Variants in CCDC183 observed in about 807,000 individuals in gnomAD.
The protein encoded by CCDC183 is coiled-coil domain-containing protein 183.
Under a neutral mutation model 65.2 loss-of-function variants are expected in CCDC183, and 63 were observed. The observed-to-expected ratio is 0.97, with a 90% CI of 0.79 to 1.19. The LOEUF is 1.19. Ranked by LOEUF, CCDC183 falls within the 50% of genes most tolerant of loss-of-function variation. The pLI is 0.00. For synonymous variants in CCDC183, 323 were observed against 276.5 expected (o/e 1.17, Z -1.67); for missense variants, 769 against 689.3 (o/e 1.12, Z -1.30).
chr9:136,800,325 A>G (rs1847719278), intron 4 of CCDC183, 64 bp from the exon 5 acceptor site: 6 of 1,507,322 alleles, frequency 4.0e-6, no homozygotes, highest in South Asian at 2.4e-5. Context: ...GAGAAAACCC[A>G]GCCCCGACAC....
rs1478424807 is a variant in CCDC183, at chr9:136,804,698, A to C, written c.793-64A>C. 3 of 1,612,796 alleles carry C rather than the reference A, an allele frequency of 1.9e-6. No individual in the cohort carries two copies. The highest frequency in any genetic ancestry group is 3.3e-5 in the Admixed American group (2 of 59,954). ...GCTGGGTGGACACAGGCTCAGGGCC[A>C]CCACTCAGGGCCCACTCCCTGCCAA... On this transcript the variant is annotated intron_variant, in intron 7 of 13. Transcript: ENST00000338005. This position sits in a 1 kb window ranked among gnomAD's most constrained non-coding sequence, Gnocchi z 4.1.
rs200445045 is a variant in CCDC183 at position 136,804,542 on chromosome 9, G to C, written c.707G>C (p.Arg236Pro). ...AGGGAGGCGTCCTTCATCGAGGAGC[G>C]CCGGGCAAGGGAGAACCGGCTCAAC... ...RQREASFIEE[R>P]RARENRLNQQ... Residue 236 changes from arginine to proline, a missense_variant, in exon 7 of 14, where the codon CGC (arginine) becomes CCC (proline). Physicochemically the swap from Arg to Pro is moderately radical, Grantham distance 103. Coordinates refer to ENST00000338005, the MANE Select transcript of CCDC183 (RefSeq NM_001039374.5). The surrounding 1 kb of genome is among the most constrained non-coding windows in gnomAD (Gnocchi z 4.1). The C allele has an allele frequency of 1.2e-6, 2 of 1,613,448 alleles. No individual in the cohort carries two copies. Among genetic ancestry groups the C allele is most frequent in the South Asian group, 2.2e-5 (2 of 91,082 alleles).
At chr9:136,805,103 C>T (rs1847818616) in intron 8 of CCDC183, 3 of 593,272 alleles carry the variant, frequency 5.1e-6, no homozygotes, top group East Asian at 2.8e-5. Context: ...TGAGAAGCAC[C>T]ACCGGGCCCA....
At chr9:136,797,877 G>A (rs1305911143) in intron 1 of CCDC183, among the ~76,000 whole-genome samples, 1 of 152,120 alleles carries the variant, frequency 6.6e-6, no homozygotes, top group Non-Finnish European at 1.5e-5. Flanking sequence ...CTCGAGTGCA[G>A]TGGCATGATC....
At chr9:136,801,778 A>G (rs566080103) in intron 5 of CCDC183, among the ~76,000 whole-genome samples, 71 of 152,006 alleles carry the variant, frequency 4.7e-4, no homozygotes, top group Non-Finnish European at 1.0e-3. Context: ...CTACACTTCT[A>G]GTTTTGTTTT....
Position 136,804,797 on chromosome 9 carries a change from G to C in CCDC183, c.828G>C (p.Met276Ile), listed in dbSNP as rs1847813514. The C allele has an allele frequency of 6.2e-7, 1 of 1,613,616 alleles. No individual in the cohort carries two copies. The highest frequency in any genetic ancestry group is 1.1e-5 in the South Asian group (1 of 91,084). ...ACTTGGACTTCCCCTCGAACCTGAT[G>C]AGCACGGAGACCCTGAAATGTAAGC... ...QMDLDFPSNL[M>I]STETLKLRRK... The change falls in exon 8 of 14, where the codon ATG becomes ATC. Residue 276 changes from methionine to isoleucine, a missense_variant. Transcript: ENST00000338005. The surrounding 1 kb of genome is among the most constrained non-coding windows in gnomAD (Gnocchi z 4.1).
At chr9:136,798,060 C>A (rs1588329219) in intron 1 of CCDC183, among the ~76,000 whole-genome samples, 4 of 152,318 alleles carry the variant, frequency 2.6e-5, no homozygotes, top group Admixed American at 2.6e-4. Context: ...GGCTGGAGTG[C>A]AATGGTGCAA....
Position 136,804,064 on chromosome 9 carries a change from T to A in CCDC183, c.667-438T>A, listed in dbSNP as rs1847798555. The A allele has an allele frequency of 1.6e-5, 3 of 188,300 alleles. No homozygotes were observed. The Admixed American group carries it at 1.6e-4, about 10-fold the overall frequency. The allele number at this position is 188,300 out of a possible 1,614,324, so 11.7% of individuals were successfully genotyped here. ...AGAACTCCTCAAGAGGCAACCCCAC[T>A]AAGCGCTGGCAACGAGAGTGGCGAG... On this transcript the variant is annotated intron_variant, in intron 6 of 13. Transcript: ENST00000338005. The surrounding 1 kb of genome is among the most constrained non-coding windows in gnomAD (Gnocchi z 4.1).
At chr9:136,803,318 G>A (rs998487946) in intron 6 of CCDC183, among the ~76,000 whole-genome samples, 2 of 152,060 alleles carry the variant, frequency 1.3e-5, no homozygotes, top group African/African-American at 2.4e-5. Flanking sequence ...GTGTCTTCTG[G>A]CCAGGGTCTC....
intron 9 of CCDC183, 191 bp downstream of exon 9, chr9:136,805,648 T>C: frequency 1.7e-6 from 1 of 588,264 alleles, no homozygotes; most frequent in Non-Finnish European, 3.0e-6. Context: ...CTTAATCCCA[T>C]CTGTGTATCT....
chr9:136,806,245 C>G lies in CCDC183; in HGVS notation c.1109+7C>G. ...AGAAGCCTAGCTCCATCAGGTGCCC[C>G]GGGCTTCCGGGGCTGCGGGCCACCC... is the stretch of plus-strand genomic sequence containing the variant. On this transcript the variant is annotated splice_region_variant and intron_variant, in intron 10 of 13. Coordinates refer to ENST00000338005, the MANE Select transcript of CCDC183 (RefSeq NM_001039374.5). 1 of 1,586,080 alleles carries G rather than the reference C, an allele frequency of 6.3e-7. No individual in the cohort carries two copies. Among genetic ancestry groups the G allele is most frequent in the Non-Finnish European group, 8.6e-7 (1 of 1,166,136 alleles).
At position 136,804,518 on chromosome 9, in the gene CCDC183, G is replaced by GGGA; in HGVS notation, c.686_688dup (p.Glu229dup). ...TGTCCCCAGAGGAACATGAGGCAAA[G>GGGA]GGAGGCGTCCTTCATCGAGGAGCGC... On this transcript the variant is annotated inframe_insertion, in exon 7 of 14. Transcript: ENST00000338005. The surrounding 1 kb of genome is among the most constrained non-coding windows in gnomAD (Gnocchi z 4.1). The GGGA allele has an allele frequency of 6.2e-7, 1 of 1,613,028 alleles. No homozygotes were observed. The highest frequency in any genetic ancestry group is 1.1e-5 in the South Asian group (1 of 91,054).
At chr9:136,806,054 T>C in intron 9 of CCDC183, 24 bp from the exon 10 acceptor site, 1 of 1,543,784 alleles carries the variant, frequency 6.5e-7, no homozygotes, top group South Asian at 1.2e-5. Context: ...CCACACCTGC[T>C]TCTCTCTCCC....
Position 136,804,596 on chromosome 9 carries a change from A to G in CCDC183, c.761A>G (p.His254Arg). ...NQQKKLIDKI[H>R]TKETSEKYRR... ...CAGAAGAAGCTGATCGACAAGATCCACACGAAGGAGACCAGCGAGAAGTAC... is the reference window on the plus strand; with the variant it reads ...CAGAAGAAGCTGATCGACAAGATCCGCACGAAGGAGACCAGCGAGAAGTAC... Residue 254 changes from histidine (H) to arginine (R), a missense_variant, in exon 7 of 14, where the codon CAC becomes CGC. Coordinates refer to ENST00000338005, the MANE Select transcript of CCDC183 (RefSeq NM_001039374.5). This position sits in a 1 kb window ranked among gnomAD's most constrained non-coding sequence, Gnocchi z 4.1. 1 of 1,613,728 alleles carries G rather than the reference A, an allele frequency of 6.2e-7. No individual in the cohort carries two copies. Among genetic ancestry groups the G allele is most frequent in the East Asian group, 2.2e-5 (1 of 44,878 alleles).
chr9:136,804,822 CG>C lies in CCDC183; in HGVS notation c.847+7del. 6.2e-7 allele frequency: 1 copy of C among 1,613,342 alleles called. No homozygotes were observed. The highest frequency in any genetic ancestry group is 8.5e-7 in the Non-Finnish European group (1 of 1,179,580). Reference sequence around the variant, plus strand: ...GAGCACGGAGACCCTGAAATGTAAGCGCTCAGCTCCCCACCTGCCCCCAGCC... The same window carrying C: ...GAGCACGGAGACCCTGAAATGTAAGCCTCAGCTCCCCACCTGCCCCCAGCC... On this transcript the variant is annotated splice_region_variant and intron_variant, in intron 8 of 13. Coordinates refer to ENST00000338005, the MANE Select transcript of CCDC183 (RefSeq NM_001039374.5). This position sits in a 1 kb window ranked among gnomAD's most constrained non-coding sequence, Gnocchi z 4.1.
At position 136,800,165 on chromosome 9, in the gene CCDC183, T is replaced by G; in HGVS notation, c.434T>G (p.Leu145Arg). 1.7e-6 allele frequency: 2 copies of G among 1,175,530 alleles called. No individual in the cohort carries two copies. Among genetic ancestry groups the G allele is most frequent in the Non-Finnish European group, 1.1e-6 (1 of 880,050 alleles). The allele number at this position is 1,175,530 out of a possible 1,614,324, so 72.8% of individuals were successfully genotyped here. A position where few individuals can be genotyped will look rare whatever the true frequency, so the allele number is the denominator to read the frequency against. The change falls in exon 4 of 14, where the codon CTG becomes CGG. Residue 145 changes from leucine (L) to arginine (R), a missense_variant. Leu to Arg is a moderately radical substitution (Grantham distance 102, BLOSUM62 -2). Coordinates refer to ENST00000338005, the MANE Select transcript of CCDC183 (RefSeq NM_001039374.5). ...GCCAGCAAGGAGGAGCTGCGGCTGC[T>G]GCAGGTGGAGAGGCGGGGCTGGGAG... is the stretch of plus-strand genomic sequence containing the variant. ...PDASKEELRL[L>R]QIIRQLENNI... is the part of the protein sequence containing the mutation.
chr9:136,802,571 T>C, intron 5 of CCDC183, 93 bp from the exon 6 acceptor site: 1 of 1,495,910 alleles, frequency 6.7e-7, no homozygotes, highest in Non-Finnish European at 9.0e-7. Context: ...GGAGAACCTA[T>C]CACTGTTCTC....
chr9:136,806,332 C>T, intron 10 of CCDC183, 94 bp downstream of exon 10: 1 of 1,420,868 alleles, frequency 7.0e-7, no homozygotes, highest in South Asian at 1.3e-5. Context: ...ATACCCACTG[C>T]CAACAAGCCT....
Position 136,805,434 on chromosome 9 carries a change from G to GCTGTA in CCDC183, c.927_931dup (p.Arg311LeufsTer38), listed in dbSNP as rs1847825609. On this transcript the variant is annotated frameshift_variant, in exon 9 of 14. Coordinates refer to ENST00000338005, the MANE Select transcript of CCDC183 (RefSeq NM_001039374.5). LOFTEE classifies it high-confidence loss of function. ...TGCTGTGGTGGAGAAGGTCAAGAGT[G>GCTGTA]CTGTACGGTGCTCTCACGTCTGGGT... The GCTGTA allele has an allele frequency of 6.2e-7, 1 of 1,613,860 alleles. No individual in the cohort carries two copies. Among genetic ancestry groups the GCTGTA allele is most frequent in the Non-Finnish European group, 8.5e-7 (1 of 1,179,926 alleles).
Sources: gnomAD v4.1 joint callset for allele counts (sites outside exome capture counted in the v4.1 genomes callset) on GRCh38, gnomAD v4.1.1 for gene constraint, Gnocchi (gnomAD v3.1) non-coding constraint, MANE v1.5 for transcripts, NCBI Gene and HGNC (gene_info 2026-07-23, HGNC 2026-07-21) for gene names.